The following LDLRAD4 variants were observed in gnomAD, a reference collection of about 807,000 sequenced individuals.
LDLRAD4 encodes the protein low density lipoprotein receptor class A domain containing 4, also known as low-density lipoprotein receptor class A domain-containing protein 4.
A neutral mutation model predicts 17.0 loss-of-function variants in LDLRAD4; 5 were observed. The observed-to-expected ratio is 0.29, with a 90% confidence interval of 0.15 to 0.62. The LOEUF (loss-of-function observed/expected upper bound fraction) is 0.62, where lower values mean the gene tolerates loss of function less well. Ranked by LOEUF, LDLRAD4 falls within the 20% of genes least tolerant of loss-of-function variation. The pLI is 0.84. For synonymous variants in LDLRAD4, 168 were observed against 171.8 expected (o/e 0.98, Z 0.17); for missense variants, 340 against 424.7 (o/e 0.80, Z 1.75).
chr18:13,634,729 G>A (rs1264901296), intron 4 of LDLRAD4, among the ~76,000 whole-genome samples: 1 of 147,802 alleles, frequency 6.8e-6, no homozygotes, highest in Admixed American at 6.8e-5. Flanking sequence ...CCATCCTAAC[G>A]TTTATATATT....
At chr18:13,625,739 C>T (rs1231675129) in intron 4 of LDLRAD4, among the ~76,000 whole-genome samples, 1 of 130,648 alleles carries the variant, frequency 7.7e-6, no homozygotes, top group Non-Finnish European at 1.7e-5. Context: ...CTCCTCCCCC[C>T]ACCAGAGCCC....
In LDLRAD4 at chr18:13,398,752, C is replaced by A. The variant is rs1031828107; in HGVS notation, c.40+10990C>A. The stretch of plus-strand genomic sequence containing the variant: ...GTCCTCACAGCCTCTGACCACCAGC[C>A]TGGACGTGGGGATACGTCTCTGCAG... On this transcript the variant is annotated intron_variant, in intron 2 of 5. Coordinates refer to ENST00000359446, the Ensembl canonical transcript of LDLRAD4. This position sits in a 1 kb window ranked among gnomAD's most constrained non-coding sequence, Gnocchi z 4.8. Among the ~76,000 whole-genome samples, 2 of 152,016 alleles carry A rather than the reference C, an allele frequency of 1.3e-5. No homozygotes were observed. The highest frequency in any genetic ancestry group is 4.8e-5 in the African/African-American group (2 of 41,376).
intron 3 of LDLRAD4, among the ~76,000 whole-genome samples, chr18:13,490,848 C>T (rs1432438564): frequency 2.0e-5 from 3 of 152,170 alleles, no homozygotes; most frequent in Non-Finnish European, 4.4e-5. Context: ...TTTGCACATC[C>T]TTGGCTCATT....
intron 4 of LDLRAD4, among the ~76,000 whole-genome samples, chr18:13,638,342 G>A (rs2042249785): frequency 6.6e-6 from 1 of 152,166 alleles, no homozygotes; most frequent in African/African-American, 2.4e-5. Context: ...CTATGCAATG[G>A]CTACCTACCT....
At chr18:13,430,952 C>A (rs539019677) in intron 2 of LDLRAD4, among the ~76,000 whole-genome samples, 1 of 152,246 alleles carries the variant, frequency 6.6e-6, no homozygotes, top group South Asian at 2.1e-4. Flanking sequence ...GTCTGAAGTA[C>A]CATTGATCCT....
At chr18:13,627,853 C>A (rs2041312290) in intron 4 of LDLRAD4, among the ~76,000 whole-genome samples, 1 of 152,216 alleles carries the variant, frequency 6.6e-6, no homozygotes, top group African/African-American at 2.4e-5. Context: ...GGCCAGAGGG[C>A]AGACGGTCCT....
At chr18:13,351,582 C>T (rs1287477421) in intron 1 of LDLRAD4, among the ~76,000 whole-genome samples, 2 of 152,010 alleles carry the variant, frequency 1.3e-5, no homozygotes, top group African/African-American at 2.4e-5. Context: ...GGTTGAATCC[C>T]TGAATAGACC....
intron 3 of LDLRAD4, chr18:13,543,688 C>T (rs1041455236): frequency 3.3e-5 from 5 of 152,212 alleles, no homozygotes; most frequent in Admixed American, 3.3e-4. Context: ...GGTGGAGTCA[C>T]CTGGAGTTTG....
chr18:13,252,079 TCCTTGTATTAGAATATATCTCTTG>T (rs1036964195), intron 1 of LDLRAD4, among the ~76,000 whole-genome samples: 14 of 152,210 alleles, frequency 9.2e-5, no homozygotes, highest in African/African-American at 3.1e-4. Flanking sequence ...TTGGAATGTC[TCCTTGTATTAGAATATATCTCTTG>T]CCAGCTTCAT....
intron 3 of LDLRAD4, among the ~76,000 whole-genome samples, chr18:13,578,673 C>T (rs1327687844): frequency 6.6e-6 from 1 of 152,114 alleles, no homozygotes; most frequent in East Asian, 1.9e-4. Context: ...GAATAAGATG[C>T]TGGTGCTGGC....
At chr18:13,260,626 T>A (rs9951616) in intron 1 of LDLRAD4, among the ~76,000 whole-genome samples, 2,553 of 152,342 alleles carry the variant, frequency 0.017, 76 homozygotes, top group African/African-American at 0.059. Flanking sequence ...TCCTTTTTCC[T>A]GTTGCTTTAT....
chr18:13,238,258 A>T (rs2042432901), intron 1 of LDLRAD4, among the ~76,000 whole-genome samples: 1 of 152,180 alleles, frequency 6.6e-6, no homozygotes, highest in Non-Finnish European at 1.5e-5. Flanking sequence ...TTGCTCGATG[A>T]CTGGTCGTGG....
At chr18:13,345,563 C>T (rs1185638724) in intron 1 of LDLRAD4, among the ~76,000 whole-genome samples, 3 of 152,178 alleles carry the variant, frequency 2.0e-5, no homozygotes, top group African/African-American at 4.8e-5. Flanking sequence ...TGTGTCTGTG[C>T]CAGGCTTTGG....
At chr18:13,343,393 C>G (rs941378631) in intron 1 of LDLRAD4, among the ~76,000 whole-genome samples, 2 of 151,936 alleles carry the variant, frequency 1.3e-5, no homozygotes, top group African/African-American at 4.8e-5. Context: ...TCATCCATGT[C>G]CCTACAAAGG....
intron 1 of LDLRAD4, among the ~76,000 whole-genome samples, chr18:13,243,807 A>G (rs959724525): frequency 7.2e-6 from 1 of 139,760 alleles, no homozygotes; most frequent in Non-Finnish European, 1.5e-5. Flanking sequence ...TCATCTCCCC[A>G]GCTACCACCT....
chr18:13,229,354 T>G (rs909351679), intron 1 of LDLRAD4, among the ~76,000 whole-genome samples: 2 of 152,190 alleles, frequency 1.3e-5, no homozygotes, highest in African/African-American at 4.8e-5. Context: ...CTGAAATAGC[T>G]GTTTGCCCAC....
chr18:13,539,849 G>A (rs1158227583), intron 3 of LDLRAD4, among the ~76,000 whole-genome samples: 4 of 152,212 alleles, frequency 2.6e-5, no homozygotes, highest in Admixed American at 6.5e-5. Flanking sequence ...AAAAAGAAGT[G>A]TAACCAATGT....
At chr18:13,468,615 G>A (rs545441678) in intron 3 of LDLRAD4, among the ~76,000 whole-genome samples, 26 of 152,126 alleles carry the variant, frequency 1.7e-4, no homozygotes, top group African/African-American at 5.8e-4. Context: ...GTCCAACAAC[G>A]ATAGACTGGA....
chr18:13,289,805 C>T (rs913759978), intron 1 of LDLRAD4, among the ~76,000 whole-genome samples: 3 of 152,080 alleles, frequency 2.0e-5, no homozygotes, highest in South Asian at 2.1e-4. Flanking sequence ...GTTGGGTGCT[C>T]GAGCTTCTAG....
Sources: gnomAD v4.1 joint callset for allele counts (sites outside exome capture counted in the v4.1 genomes callset) on GRCh38, gnomAD v4.1.1 for gene constraint, Gnocchi (gnomAD v3.1) non-coding constraint, MANE v1.5 for transcripts, NCBI Gene and HGNC (gene_info 2026-07-23, HGNC 2026-07-21) for gene names.